The following TAOK1 variants were observed in gnomAD, a reference collection of about 807,000 sequenced individuals.
TAOK1 encodes serine/threonine-protein kinase TAO1.
In TAOK1, 21 loss-of-function variants were observed where a neutral mutation model predicts 138.3. The observed-to-expected ratio is 0.15, with a 90% CI of 0.11 to 0.22. The LOEUF (loss-of-function observed/expected upper bound fraction) is 0.22. Among genes scored for constraint, TAOK1 ranks in the 10% least tolerant of loss-of-function variants. The probability of loss-of-function intolerance (pLI) is 1.00; values close to 1 mark genes in which losing one functional copy is unlikely to be tolerated. For synonymous variants in TAOK1, 361 were observed against 398.4 expected (o/e 0.91, Z 1.12); for missense variants, 651 against 1,227.7 (o/e 0.53, Z 7.02).
At chr17:29,475,813 T>C (rs1471902356) in intron 4 of TAOK1, 42 bp downstream of exon 4, 1 of 1,465,266 alleles carries the variant, frequency 6.8e-7, no homozygotes. Context: ...TAGCTGATTT[T>C]GGTTTATAAT....
intron 9 of TAOK1, 129 bp from the exon 10 acceptor site, chr17:29,491,655 A>G (rs890451932): frequency 3.0e-6 from 2 of 664,166 alleles, no homozygotes; most frequent in Non-Finnish European, 5.4e-6. Flanking sequence ...ATGAAACTGT[A>G]TAGTCTCTGC....
chr17:29,508,286 G>A (rs2031662250), intron 14 of TAOK1, among the ~76,000 whole-genome samples, 154 bp downstream of exon 14: 1 of 152,214 alleles, frequency 6.6e-6, no homozygotes, highest in Non-Finnish European at 1.5e-5. Context: ...AAAGGTTTCT[G>A]TAAATTGATA....
chr17:29,507,789 G>C, intron 13 of TAOK1, 107 bp from the exon 14 acceptor site: 1 of 986,884 alleles, frequency 1.0e-6, no homozygotes, highest in Admixed American at 2.8e-5. Flanking sequence ...CTAACATTGG[G>C]ATATTTTACA....
intron 2 of TAOK1, among the ~76,000 whole-genome samples, chr17:29,457,089 CTTTTTTTTTTTTT>C (rs548221652): frequency 7.4e-5 from 8 of 107,408 alleles, no homozygotes; most frequent in African/African-American, 2.7e-4. Context: ...TTTTCTTTTT[CTTTTTTTTTTTTT>C]TTTTTTTTTG....
intron 17 of TAOK1, among the ~76,000 whole-genome samples, chr17:29,528,344 G>A (rs2032046456): frequency 1.3e-5 from 2 of 152,082 alleles, no homozygotes; most frequent in Admixed American, 1.3e-4. Context: ...CACCACGCCT[G>A]GCCAAGATTT....
intron 6 of TAOK1, chr17:29,479,993 A>G (rs1316115469): frequency 6.5e-6 from 1 of 153,184 alleles, no homozygotes; most frequent in Non-Finnish European, 1.5e-5. Context: ...TTTTGTTTTT[A>G]AGTTAAGTAT....
intron 8 of TAOK1, among the ~76,000 whole-genome samples, chr17:29,488,195 C>G (rs543952483): frequency 1.3e-5 from 2 of 152,296 alleles, no homozygotes; most frequent in Admixed American, 1.3e-4. Context: ...CTATGCATAT[C>G]CTACCATATA....
intron 17 of TAOK1, among the ~76,000 whole-genome samples, chr17:29,529,762 A>T (rs774811773): frequency 1.3e-5 from 2 of 151,838 alleles, no homozygotes; most frequent in Non-Finnish European, 2.9e-5. Flanking sequence ...GCTATTCGGG[A>T]GGCTGAGACA....
chr17:29,395,646 C>CTTTTTTTTTTTTT (rs10591199), intron 1 of TAOK1, among the ~76,000 whole-genome samples: 1 of 129,760 alleles, frequency 7.7e-6, no homozygotes, highest in Non-Finnish European at 1.6e-5. Flanking sequence ...GGTATGTGTA[C>CTTTTTTTTTTTTT]TTTTTTTTTT....
intron 1 of TAOK1, among the ~76,000 whole-genome samples, chr17:29,450,710 C>A (rs1217458565): frequency 6.6e-6 from 1 of 152,096 alleles, no homozygotes; most frequent in Non-Finnish European, 1.5e-5. Flanking sequence ...GAGGCAGGGT[C>A]TTACCATATT....
intron 1 of TAOK1, among the ~76,000 whole-genome samples, chr17:29,443,067 G>A (rs1236779853): frequency 6.6e-6 from 1 of 152,138 alleles, no homozygotes. Flanking sequence ...CCAGTTCAGT[G>A]TAAAGAAGCA....
At chr17:29,511,704 G>A (rs1435520640) in intron 15 of TAOK1, 1 of 151,816 alleles carries the variant, frequency 6.6e-6, no homozygotes, top group African/African-American at 2.4e-5. Flanking sequence ...CACCACTCCT[G>A]GCTGATTTTT....
chr17:29,451,727 C>A, intron 2 of TAOK1, 47 bp downstream of exon 2: 1 of 1,584,052 alleles, frequency 6.3e-7, no homozygotes, highest in South Asian at 1.2e-5. Flanking sequence ...TACTTAATGT[C>A]CACTCCTGAC....
At chr17:29,465,452 T>TA (rs1461249892) in intron 2 of TAOK1, among the ~76,000 whole-genome samples, 1 of 152,022 alleles carries the variant, frequency 6.6e-6, no homozygotes, top group South Asian at 2.1e-4. Flanking sequence ...GCCTGGCCCT[T>TA]ACTTAATTTT....
At chr17:29,509,192 C>G (rs1034029705) in intron 14 of TAOK1, among the ~76,000 whole-genome samples, 7 of 151,694 alleles carry the variant, frequency 4.6e-5, no homozygotes, top group Admixed American at 4.6e-4. Flanking sequence ...TTTTTTGAGA[C>G]AGAATCTCCC....
intron 7 of TAOK1, 114 bp downstream of exon 7, chr17:29,480,595 G>A: frequency 1.2e-6 from 1 of 848,204 alleles, no homozygotes; most frequent in Non-Finnish European, 1.8e-6. Flanking sequence ...TCGGCCAGGT[G>A]CAATGGCTCA....
intron 1 of TAOK1, among the ~76,000 whole-genome samples, chr17:29,441,402 A>C (rs1020231077): frequency 6.6e-6 from 1 of 152,162 alleles, no homozygotes; most frequent in Non-Finnish European, 1.5e-5. Flanking sequence ...TTCCTCTGAC[A>C]GTTTTCTGAT....
At chr17:29,496,774 ACC>A (rs2031423837) in intron 11 of TAOK1, among the ~76,000 whole-genome samples, 1 of 116,150 alleles carries the variant, frequency 8.6e-6, no homozygotes, top group African/African-American at 2.8e-5. Context: ...TTTAGTAGAG[ACC>A]GGTTTCGCTA....
chr17:29,505,113 A>G (rs1251095791), intron 13 of TAOK1, among the ~76,000 whole-genome samples: 1 of 152,224 alleles, frequency 6.6e-6, no homozygotes, highest in Non-Finnish European at 1.5e-5. Context: ...CAGTAGTTTC[A>G]TTTACTTCAC....
Sources: allele counts gnomAD v4.1 joint callset (sites outside exome capture counted in the v4.1 genomes callset), GRCh38; gene constraint gnomAD v4.1.1; transcripts MANE v1.5; gene names NCBI Gene and HGNC (gene_info 2026-07-23, HGNC 2026-07-21).